Variants in AAR2 observed in about 807,000 individuals in gnomAD.
The protein encoded by AAR2 is AAR2 splicing factor.
Under a neutral mutation model 26.9 loss-of-function variants are expected in AAR2, and 31 were observed. That is an observed-to-expected ratio of 1.15 (90% CI 0.86 to 1.55). The LOEUF (loss-of-function observed/expected upper bound fraction) is 1.55, where lower values mean the gene tolerates loss of function less well. Among genes scored for constraint, AAR2 ranks in the 40% most tolerant of loss-of-function variants. The pLI, the probability that AAR2 is intolerant of heterozygous loss-of-function variation, is 0.00. For missense variants in AAR2, 430 were observed against 491.3 expected, an observed-to-expected ratio of 0.88 and a Z score of 1.18; for synonymous variants, 188 against 196.1, an observed-to-expected ratio of 0.96 and a Z score of 0.34.
chr20:36,240,078 A>G lies in AAR2; in HGVS notation c.210A>G (p.Glu70=). The G allele has an allele frequency of 1.2e-6, 2 of 1,614,256 alleles. No individual in the cohort carries two copies. The highest frequency in any genetic ancestry group is 2.7e-5 in the African/African-American group (2 of 75,072). ...CTGTGGACAAGGCTAATCCGAAGGA[A>G]GTAGGCCCTCGTATGGGTTTCTTCC... The part of the protein sequence containing the change: ...YSSVDKANPK[E]VGPRMGFFLS... Residue 70 remains glutamate, a synonymous_variant, in exon 2 of 4, where the codon GAA becomes GAG. Transcript: ENST00000320849.
Position 36,244,794 on chromosome 20 carries a change from A to G in AAR2, c.855A>G (p.Glu285=), listed in dbSNP as rs140703484. Residue 285 remains glutamate, a synonymous_variant, in exon 3 of 4, where the codon GAA becomes GAG. Transcript: ENST00000320849. ...KRLLNLLCRS[E]AAMMKHHTLY... ...TCCTGAACCTCCTGTGCCGGTCAGAAGCAGCCATGATGAAGCACCACACCC... is the reference window on the plus strand; with the variant it reads ...TCCTGAACCTCCTGTGCCGGTCAGAGGCAGCCATGATGAAGCACCACACCC... 9.9e-6 allele frequency: 16 copies of G among 1,614,202 alleles called. No homozygotes were observed. The highest frequency in any genetic ancestry group is 1.3e-5 in the Non-Finnish European group (15 of 1,180,044).
intron 3 of AAR2, among the ~76,000 whole-genome samples, chr20:36,247,559 T>TA (rs61614261): frequency 0.058 from 8,705 of 149,664 alleles, 722 homozygotes; most frequent in African/African-American, 0.18. Flanking sequence ...TCATGCTTTT[T>TA]AAAAAAAAAA....
At chr20:36,251,590 G>A (rs1032515708) in intron 3 of AAR2, among the ~76,000 whole-genome samples, 4 of 152,160 alleles carry the variant, frequency 2.6e-5, no homozygotes, top group Non-Finnish European at 5.9e-5. Context: ...GGATGAAGCC[G>A]AGATGCCTCT....
chr20:36,242,244 C>T (rs921296846), intron 2 of AAR2, among the ~76,000 whole-genome samples: 3 of 149,848 alleles, frequency 2.0e-5, no homozygotes, highest in South Asian at 2.1e-4. Context: ...CTCAACCTCT[C>T]GGGCCCAAGT....
chr20:36,239,955 A>T lies in AAR2; in HGVS notation c.87A>T (p.Gly29=). ...TGGTCATCCTGAACATGCCCAAGGG[A>T]ACAGAGTTTGGGATTGACTATAACT... ...ATVVILNMPK[G]TEFGIDYNSW... The change falls in exon 2 of 4, where the codon GGA becomes GGT. Residue 29 remains glycine, a synonymous_variant. Transcript: ENST00000320849. 1 of 1,614,154 alleles carries T rather than the reference A, an allele frequency of 6.2e-7. No homozygotes were observed. Among genetic ancestry groups the T allele is most frequent in the Non-Finnish European group, 8.5e-7 (1 of 1,180,010 alleles).
Position 36,255,789 on chromosome 20 carries a change from C to T in AAR2, c.*44C>T. 1.9e-6 allele frequency: 3 copies of T among 1,609,576 alleles called. No individual in the cohort carries two copies. The highest frequency in any genetic ancestry group is 2.7e-5 in the African/African-American group (2 of 74,960). Reference sequence around the variant, plus strand: ...CTGCGAGGGGCCCCTTCCCACAGGGCTGCAGTCCTGGCCTCTCCATTTACT... The same window carrying T: ...CTGCGAGGGGCCCCTTCCCACAGGGTTGCAGTCCTGGCCTCTCCATTTACT... On this transcript the variant is annotated 3_prime_UTR_variant, in exon 4 of 4. Transcript: ENST00000320849.
intron 3 of AAR2, 109 bp downstream of exon 3, chr20:36,245,035 A>T: frequency 1.0e-6 from 1 of 963,418 alleles, no homozygotes; most frequent in Non-Finnish European, 1.6e-6. Context: ...TTTAAATTTC[A>T]GTTTCCTAGT....
intron 3 of AAR2, among the ~76,000 whole-genome samples, chr20:36,250,171 G>A (rs1406611654): frequency 6.6e-6 from 1 of 152,174 alleles, no homozygotes; most frequent in African/African-American, 2.4e-5. Context: ...TTTAAGAAAA[G>A]CTTTCACATG....
chr20:36,244,641 A>G, intron 2 of AAR2, 56 bp from the exon 3 acceptor site: 1 of 1,522,194 alleles, frequency 6.6e-7, no homozygotes, highest in African/African-American at 1.4e-5. Context: ...AGTGATGGAG[A>G]GTGTCAGCTG....
intron 3 of AAR2, among the ~76,000 whole-genome samples, chr20:36,250,726 A>G: frequency 6.6e-6 from 1 of 152,172 alleles, no homozygotes; most frequent in Non-Finnish European, 1.5e-5. Flanking sequence ...ACAAATTTAT[A>G]CGCACCTTCA....
In AAR2 at chr20:36,240,448, C is replaced by G. The variant is rs368104861; in HGVS notation, c.580C>G (p.Arg194Gly). Residue 194 changes from arginine (R) to glycine (G), a missense_variant, in exon 2 of 4, where the codon CGG (arginine) becomes GGG (glycine). Coordinates refer to ENST00000320849, the MANE Select transcript of AAR2 (RefSeq NM_001271874.2). ...ECKSYQEGLARLPEMKPRAGT... is the reference protein window; with the variant it reads ...ECKSYQEGLAGLPEMKPRAGT... ...CAAAAGCTACCAAGAGGGCCTGGCC[C>G]GGCTACCAGAGATGAAGCCCAGAGC... is the stretch of plus-strand genomic sequence containing the variant. The G allele has an allele frequency of 1.2e-6, 2 of 1,614,084 alleles. No individual in the cohort carries two copies. Among genetic ancestry groups the G allele is most frequent in the East Asian group, 2.2e-5 (1 of 44,892 alleles).
chr20:36,249,653 T>C (rs1317292531), intron 3 of AAR2, among the ~76,000 whole-genome samples: 1 of 152,216 alleles, frequency 6.6e-6, no homozygotes, highest in African/African-American at 2.4e-5. Context: ...ATTAGCTATC[T>C]CTTTTGCATG....
chr20:36,238,309 A>G (rs922657352), intron 1 of AAR2, among the ~76,000 whole-genome samples: 4 of 152,230 alleles, frequency 2.6e-5, no homozygotes, highest in Non-Finnish European at 5.9e-5. Context: ...TTCCTAATCC[A>G]CTAATGGATT....
chr20:36,244,984 A>G (rs2064720293), intron 3 of AAR2, 58 bp downstream of exon 3: 1 of 1,488,630 alleles, frequency 6.7e-7, no homozygotes, highest in Non-Finnish European at 9.3e-7. Flanking sequence ...AGGCAACAGT[A>G]TGTGTTTTGT....
At chr20:36,242,143 C>CTTTTTTTTTTTTTTTTTTTTTTTTT (rs11333425) in intron 2 of AAR2, among the ~76,000 whole-genome samples, 1 of 102,066 alleles carries the variant, frequency 9.8e-6, no homozygotes, top group Non-Finnish European at 1.9e-5. Context: ...TGTAGGACTT[C>CTTTTTTTTTTTTTTTTTTTTTTTTT]TTTTTTTTTT....
chr20:36,244,899 A>G lies in AAR2; in HGVS notation c.960A>G (p.Gln320=). The G allele has an allele frequency of 6.2e-7, 1 of 1,614,174 alleles. No individual in the cohort carries two copies. The highest frequency in any genetic ancestry group is 8.5e-7 in the Non-Finnish European group (1 of 1,180,008). Residue 320 remains glutamine (Q), a synonymous_variant, in exon 3 of 4, where the codon CAA becomes CAG. Coordinates refer to ENST00000320849, the MANE Select transcript of AAR2 (RefSeq NM_001271874.2). ...PADFFVDIVS[Q]DNFLTSTLQV... is the part of the protein sequence containing the mutation. ...ACTTCTTCGTAGACATTGTCTCCCA[A>G]GACAACTTCCTCACCAGCACCTTAC...
At chr20:36,243,983 C>G (rs1277969008) in intron 2 of AAR2, among the ~76,000 whole-genome samples, 2 of 152,214 alleles carry the variant, frequency 1.3e-5, no homozygotes, top group African/African-American at 4.8e-5. Flanking sequence ...CAGGCTGACC[C>G]TGGAATAAGT....
At chr20:36,253,337 C>A (rs746264033) in intron 3 of AAR2, among the ~76,000 whole-genome samples, 3 of 152,106 alleles carry the variant, frequency 2.0e-5, no homozygotes, top group Non-Finnish European at 2.9e-5. Flanking sequence ...CTTCTTCCAC[C>A]GTCACAACCC....
At chr20:36,245,141 C>T (rs1025344254) in intron 3 of AAR2, among the ~76,000 whole-genome samples, 4 of 152,166 alleles carry the variant, frequency 2.6e-5, no homozygotes, top group Admixed American at 2.0e-4. Context: ...TACACCTCGT[C>T]CCCAGAGTGC....
Sources: allele counts gnomAD v4.1 joint callset (sites outside exome capture counted in the v4.1 genomes callset), GRCh38; gene constraint gnomAD v4.1.1; transcripts MANE v1.5; gene names NCBI Gene and HGNC (gene_info 2026-07-23, HGNC 2026-07-21).